The following CAMTA1 variants were observed in gnomAD, a reference collection of about 807,000 sequenced individuals.
The protein encoded by CAMTA1 is calmodulin binding transcription activator 1, also known as calmodulin-binding transcription activator 1.
CAMTA1 carries 27 observed loss-of-function variants against 170.9 expected under a neutral mutation model. That is an observed-to-expected ratio of 0.16 (90% confidence interval 0.12 to 0.22). The LOEUF (loss-of-function observed/expected upper bound fraction) is 0.22. CAMTA1 is among the 10% of genes least tolerant of loss of function. The pLI is 1.00. For synonymous variants in CAMTA1, 833 were observed against 891.5 expected, an observed-to-expected ratio of 0.93 and a Z score of 1.17; for missense variants, 1,619 against 2,217.2, an observed-to-expected ratio of 0.73 and a Z score of 5.42.
chr1:6,983,466 G>A (rs1449757584), intron 3 of CAMTA1, among the ~76,000 whole-genome samples: 1 of 151,990 alleles, frequency 6.6e-6, no homozygotes, highest in Non-Finnish European at 1.5e-5. Flanking sequence ...AAACCTACAG[G>A]CACCCCTGTC....
At chr1:6,824,989 C>A in intron 2 of CAMTA1, 103 bp from the exon 3 acceptor site, 1 of 616,014 alleles carries the variant, frequency 1.6e-6, no homozygotes, top group Non-Finnish European at 2.8e-6. Context: ...TGCTCTTGGT[C>A]TCACATTGAC....
intron 6 of CAMTA1, among the ~76,000 whole-genome samples, chr1:7,545,330 C>A (rs989383918): frequency 3.9e-5 from 6 of 152,206 alleles, no homozygotes; most frequent in Admixed American, 1.3e-4. Flanking sequence ...TTTTCTCTGA[C>A]AAAACCACAT....
At chr1:6,928,693 C>G (rs1683809855) in intron 3 of CAMTA1, among the ~76,000 whole-genome samples, 1 of 152,218 alleles carries the variant, frequency 6.6e-6, no homozygotes, top group Non-Finnish European at 1.5e-5. Context: ...TTTGCACTTG[C>G]CATTCCCCCT....
chr1:6,968,856 G>A (rs959474679), intron 3 of CAMTA1, among the ~76,000 whole-genome samples: 3 of 152,122 alleles, frequency 2.0e-5, no homozygotes, highest in African/African-American at 7.2e-5. Context: ...GAGAGAATGC[G>A]GGATGTGACT....
intron 11 of CAMTA1, among the ~76,000 whole-genome samples, chr1:7,679,366 C>T (rs562887414): frequency 1.3e-5 from 2 of 152,280 alleles, no homozygotes; most frequent in East Asian, 3.9e-4. Flanking sequence ...TCAGGCAGTG[C>T]CCCAGAGCTC....
At chr1:7,751,526 GT>G in intron 20 of CAMTA1, 134 bp downstream of exon 20, 1 of 656,902 alleles carries the variant, frequency 1.5e-6, no homozygotes, top group Non-Finnish European at 2.4e-6. Flanking sequence ...GTTCCAGAAC[GT>G]TTTAGGCATG....
intron 7 of CAMTA1, among the ~76,000 whole-genome samples, chr1:7,655,041 T>C (rs1204255664): frequency 8.3e-6 from 1 of 120,352 alleles, no homozygotes; most frequent in Admixed American, 8.4e-5. Flanking sequence ...CACACCCACC[T>C]ATACACACAC....
At chr1:7,445,726 A>G (rs1404912378) in intron 5 of CAMTA1, among the ~76,000 whole-genome samples, 1 of 152,234 alleles carries the variant, frequency 6.6e-6, no homozygotes, top group Non-Finnish European at 1.5e-5. Context: ...AACTCAGTTT[A>G]AATTTTTCAA....
chr1:6,908,927 G>C (rs1314368139), intron 3 of CAMTA1, among the ~76,000 whole-genome samples: 1 of 152,236 alleles, frequency 6.6e-6, no homozygotes, highest in African/African-American at 2.4e-5. Flanking sequence ...TGAGTATTGA[G>C]AAGTCATGGC....
intron 14 of CAMTA1, 97 bp from the exon 15 acceptor site, chr1:7,737,158 C>T: frequency 7.2e-7 from 1 of 1,390,500 alleles, no homozygotes; most frequent in Non-Finnish European, 1.0e-6. Context: ...CCGAGATTGC[C>T]AGCAAGGACC....
At chr1:7,504,783 A>G (rs1391262077) in intron 6 of CAMTA1, among the ~76,000 whole-genome samples, 1 of 152,262 alleles carries the variant, frequency 6.6e-6, no homozygotes, top group Non-Finnish European at 1.5e-5. Context: ...AGGGCAGCAG[A>G]CCAGCCTTTC....
chr1:7,315,095 A>T (rs974639816), intron 5 of CAMTA1, among the ~76,000 whole-genome samples: 2 of 152,198 alleles, frequency 1.3e-5, no homozygotes. Context: ...GAATGAGAAC[A>T]TGTCTGGAGG....
chr1:7,667,591 C>T (rs146022213), intron 9 of CAMTA1, among the ~76,000 whole-genome samples: 60 of 152,238 alleles, frequency 3.9e-4, no homozygotes, highest in Non-Finnish European at 7.2e-4. Context: ...CCTGGCCTGT[C>T]AGACAGGCCC....
intron 5 of CAMTA1, among the ~76,000 whole-genome samples, chr1:7,294,073 T>A (rs1165681070): frequency 2.6e-5 from 4 of 152,168 alleles, no homozygotes; most frequent in African/African-American, 7.2e-5. Flanking sequence ...TTGATCCTGG[T>A]GCCCTCAAGA....
intron 3 of CAMTA1, among the ~76,000 whole-genome samples, chr1:6,944,320 G>A (rs1687215710): frequency 6.6e-6 from 1 of 152,174 alleles, no homozygotes; most frequent in Non-Finnish European, 1.5e-5. Context: ...GAACATGGGT[G>A]TGCAAACAGA....
intron 5 of CAMTA1, among the ~76,000 whole-genome samples, chr1:7,355,695 A>G (rs965972943): frequency 2.6e-5 from 4 of 152,218 alleles, no homozygotes; most frequent in African/African-American, 7.2e-5. Context: ...AGTGGCTTCT[A>G]TTGTGGCTGG....
chr1:7,714,768 C>T (rs184666324), intron 11 of CAMTA1, among the ~76,000 whole-genome samples: 17 of 152,194 alleles, frequency 1.1e-4, no homozygotes, highest in South Asian at 6.2e-4. Context: ...GTGATCTTCC[C>T]GCCTCGGCCT....
intron 11 of CAMTA1, among the ~76,000 whole-genome samples, chr1:7,712,581 A>G (rs539040100): frequency 3.3e-5 from 5 of 152,322 alleles, no homozygotes; most frequent in Admixed American, 1.3e-4. Flanking sequence ...CGCCTCCCCA[A>G]GTGCTAGGAT....
intron 5 of CAMTA1, among the ~76,000 whole-genome samples, chr1:7,359,789 G>T (rs138946974): frequency 0.011 from 1,625 of 152,308 alleles, 13 homozygotes; most frequent in Middle Eastern, 0.017. Context: ...GATAAGCAGG[G>T]AAGGTGAAAC....
Sources: gnomAD v4.1 joint callset for allele counts (sites outside exome capture counted in the v4.1 genomes callset) on GRCh38, gnomAD v4.1.1 for gene constraint, MANE v1.5 for transcripts, NCBI Gene and HGNC (gene_info 2026-07-23, HGNC 2026-07-21) for gene names.